Variants in RUBCN observed in about 807,000 individuals in gnomAD.
The protein encoded by RUBCN is run domain Beclin-1-interacting and cysteine-rich domain-containing protein.
In RUBCN, 74 loss-of-function variants were observed where a neutral mutation model predicts 113.2. The observed-to-expected ratio is 0.65, with a 90% CI of 0.54 to 0.79. The LOEUF (loss-of-function observed/expected upper bound fraction) is 0.79, where lower values mean the gene tolerates loss of function less well. RUBCN is among the 30% of genes least tolerant of loss of function. The pLI is 0.00. For missense variants in RUBCN, 1,109 were observed against 1,251.7 expected (o/e 0.89, Z 1.72); for synonymous variants, 480 against 490.0 (o/e 0.98, Z 0.27).
chr3:197,703,754 A>C (rs974542663), intron 4 of RUBCN, 100 bp from the exon 5 acceptor site: 3 of 756,848 alleles, frequency 4.0e-6, no homozygotes, highest in Non-Finnish European at 7.0e-6. Context: ...AATGAGGAGG[A>C]GGGTGAAGGC....
chr3:197,744,914 A>G (rs1254904734), intron 1 of RUBCN, among the ~76,000 whole-genome samples: 1 of 152,216 alleles, frequency 6.6e-6, no homozygotes, highest in Non-Finnish European at 1.5e-5. Context: ...TTTCACAGGT[A>G]TATATCCTGT....
intron 1 of RUBCN, among the ~76,000 whole-genome samples, chr3:197,746,450 T>C (rs1380279315): frequency 1.3e-5 from 2 of 152,240 alleles, no homozygotes; most frequent in Admixed American, 6.5e-5. Context: ...TACATGCTGC[T>C]TGACTCATGC....
At chr3:197,697,552 A>C (rs1428993272) in intron 7 of RUBCN, among the ~76,000 whole-genome samples, 5 of 152,238 alleles carry the variant, frequency 3.3e-5, no homozygotes, top group African/African-American at 1.2e-4. Context: ...GCAGTGCTGG[A>C]GAAGCCCAGG....
chr3:197,697,046 G>T lies in RUBCN; in HGVS notation c.1265C>A (p.Ser422Tyr). 5 of 1,552,996 alleles carry T rather than the reference G, an allele frequency of 3.2e-6. No individual in the cohort carries two copies. Among genetic ancestry groups the T allele is most frequent in the Non-Finnish European group, 4.4e-6 (5 of 1,124,332 alleles). Residue 422 changes from serine to tyrosine, a missense_variant, in exon 8 of 20, where the codon TCC (serine) becomes TAC (tyrosine). Transcript: ENST00000296343. ...TCTCAACTTCGCCTTATCATTGCAG[G>T]ATTCTAATGACGATGACCACCAGCG... is the stretch of plus-strand genomic sequence containing the variant. ...TSIASRGAPE[S>Y]CNDKAKLRGP...
intron 11 of RUBCN, among the ~76,000 whole-genome samples, chr3:197,689,221 TCTCA>T (rs1033470466): frequency 6.6e-6 from 1 of 151,872 alleles, no homozygotes; most frequent in Non-Finnish European, 1.5e-5. Flanking sequence ...AGAGATGGGG[TCTCA>T]CTATGTTTCC....
intron 11 of RUBCN, among the ~76,000 whole-genome samples, chr3:197,689,882 G>T (rs1190929074): frequency 6.6e-6 from 1 of 152,060 alleles, no homozygotes; most frequent in African/African-American, 2.4e-5. Flanking sequence ...CCACGCTACT[G>T]TGCTACTGAA....
intron 2 of RUBCN, among the ~76,000 whole-genome samples, chr3:197,710,815 A>G (rs1724881060): frequency 6.6e-6 from 1 of 152,128 alleles, no homozygotes; most frequent in Non-Finnish European, 1.5e-5. Context: ...AGAGAAGTGT[A>G]ATCTTTTACT....
At chr3:197,725,371 T>C (rs1196928449) in intron 1 of RUBCN, among the ~76,000 whole-genome samples, 1 of 151,942 alleles carries the variant, frequency 6.6e-6, no homozygotes, top group Non-Finnish European at 1.5e-5. Flanking sequence ...TTGAATGTGC[T>C]CCTTTTTACA....
upstream of RUBCN, among the ~76,000 whole-genome samples, chr3:197,738,207 G>C (rs1728329583): frequency 6.6e-6 from 1 of 152,206 alleles, no homozygotes; most frequent in Non-Finnish European, 1.5e-5. Flanking sequence ...TGAGTTGCTA[G>C]TTTGCAAACC....
At chr3:197,703,741 A>T (rs1162891950) in intron 4 of RUBCN, 87 bp from the exon 5 acceptor site, 2 of 804,766 alleles carry the variant, frequency 2.5e-6, no homozygotes, top group Non-Finnish European at 4.3e-6. Flanking sequence ...AGAGGTAAGG[A>T]TGAATGAGGA....
chr3:197,749,770 G>A (rs1306725190), upstream of RUBCN: 2 of 562,756 alleles, frequency 3.6e-6, no homozygotes, highest in South Asian at 1.9e-5. Flanking sequence ...AGGGCCGCTA[G>A]GAGCGAGTCA....
At chr3:197,734,507 C>T (rs1363706772) in intron 1 of RUBCN, among the ~76,000 whole-genome samples, 1 of 152,072 alleles carries the variant, frequency 6.6e-6, no homozygotes, top group Non-Finnish European at 1.5e-5. Flanking sequence ...AGTTACTTAC[C>T]CTGTCCATTT....
chr3:197,674,214 A>G lies in RUBCN; in HGVS notation c.*804T>C, dbSNP rs1720078995. 1 of 153,448 alleles carries G rather than the reference A, an allele frequency of 6.5e-6. No homozygotes were observed. Among genetic ancestry groups the G allele is most frequent in the African/African-American group, 2.4e-5 (1 of 41,590 alleles). 9.5% of individuals were successfully genotyped at this position (153,448 alleles called of 1,614,324 possible). A position where few individuals can be genotyped will look rare whatever the true frequency, so the allele number is the denominator to read the frequency against. ...CAAGAGGGGGCCGACCGCTCCTCTG[A>G]GTAAGCGCTCCTTCAGCGACAGAGC... On this transcript the variant is annotated 3_prime_UTR_variant, in exon 20 of 20. Transcript: ENST00000296343.
intron 1 of RUBCN, among the ~76,000 whole-genome samples, chr3:197,735,718 A>T (rs1290719414): frequency 4.0e-5 from 6 of 151,806 alleles, no homozygotes; most frequent in Non-Finnish European, 8.8e-5. Context: ...CAGCCTCCCG[A>T]GTAGCTGGCA....
intron 2 of RUBCN, among the ~76,000 whole-genome samples, chr3:197,714,322 T>C (rs1406590716): frequency 6.6e-6 from 1 of 152,098 alleles, no homozygotes; most frequent in Non-Finnish European, 1.5e-5. Context: ...GATGGTGCTT[T>C]TTGCTGTTTT....
At position 197,709,988 on chromosome 3, in the gene RUBCN, T is replaced by C. The variant is rs1258632164; in HGVS notation, c.220-4813A>G. Among the ~76,000 whole-genome samples, 7 of 151,262 alleles carry C rather than the reference T, an allele frequency of 4.6e-5. No individual in the cohort carries two copies. In the East Asian group the frequency reaches 1.4e-3, roughly 30 times the overall value. On this transcript the variant is annotated intron_variant, in intron 2 of 19. Transcript: ENST00000296343. ...GAGTTCGAGGCCAGCCTGGCCAATA[T>C]GTGAAACCCTGTCTCTACTAAAAAT...
chr3:197,725,287 T>G (rs1726606937), intron 1 of RUBCN, among the ~76,000 whole-genome samples: 1 of 152,052 alleles, frequency 6.6e-6, no homozygotes, highest in East Asian at 1.9e-4. Flanking sequence ...CACATGTGTG[T>G]TTAATGTTTC....
upstream of RUBCN, chr3:197,737,198 C>G (rs756669436): frequency 1.2e-4 from 22 of 177,150 alleles, no homozygotes; most frequent in Non-Finnish European, 2.4e-4. Context: ...TATTCACCCC[C>G]GTGACATTAC....
chr3:197,706,287 A>G (rs1326041912), intron 2 of RUBCN, among the ~76,000 whole-genome samples: 1 of 152,196 alleles, frequency 6.6e-6, no homozygotes, highest in Non-Finnish European at 1.5e-5. Context: ...GTACCATAAC[A>G]ACCCAATTGT....
Sources: gnomAD v4.1 joint callset for allele counts (sites outside exome capture counted in the v4.1 genomes callset) on GRCh38, gnomAD v4.1.1 for gene constraint, MANE v1.5 for transcripts, NCBI Gene and HGNC (gene_info 2026-07-23, HGNC 2026-07-21) for gene names.